Variants in LOXHD1 observed in about 807,000 individuals in gnomAD.
The protein encoded by LOXHD1 is lipoxygenase homology PLAT domains 1, also known as lipoxygenase homology domain-containing protein 1.
In LOXHD1, 205 loss-of-function variants were observed where a neutral mutation model predicts 248.2. The ratio of observed to expected loss-of-function variants is 0.83; its 90% CI spans 0.74 to 0.93. The LOEUF is 0.93. Among genes scored for constraint, LOXHD1 ranks in the 40% least tolerant of loss-of-function variants. The pLI, the probability that LOXHD1 is intolerant of heterozygous loss-of-function variation, is 0.00. For synonymous variants in LOXHD1, 1,113 were observed against 1,162.8 expected (o/e 0.96, Z 0.87); for missense variants, 2,930 against 2,971.6 (o/e 0.99, Z 0.33).
intron 34 of LOXHD1, among the ~76,000 whole-genome samples, chr18:46,514,879 A>C (rs2035163967): frequency 6.6e-6 from 1 of 151,940 alleles, no homozygotes; most frequent in East Asian, 1.9e-4. Context: ...TCTTTGTCTA[A>C]AAATAGTTTC....
chr18:46,492,282 T>C (rs1266942448), intron 37 of LOXHD1, among the ~76,000 whole-genome samples: 2 of 152,206 alleles, frequency 1.3e-5, no homozygotes, highest in Non-Finnish European at 2.9e-5. Flanking sequence ...TATTAGTTTG[T>C]TCTCATGCTG....
Position 46,477,730 on chromosome 18 carries a change from C to G in LOXHD1, c.6564G>C (p.Arg2188=). The change falls in exon 41 of 41, where the codon CGG becomes CGC. Residue 2188 remains arginine, a synonymous_variant. Transcript: ENST00000642948. ...GGTTGCGCATTTTCTGCTTCAGCTC[C>G]CGCTTGCCTGTGTCTCCGTTGGCCC... The part of the protein sequence containing the change: ...IFGANGDTGK[R]ELKQKMRNLF... 6.4e-7 allele frequency: 1 copy of G among 1,551,922 alleles called. No individual in the cohort carries two copies. The highest frequency in any genetic ancestry group is 8.7e-7 in the Non-Finnish European group (1 of 1,147,050).
chr18:46,604,829 G>A (rs763643089), intron 6 of LOXHD1, among the ~76,000 whole-genome samples: 2 of 152,148 alleles, frequency 1.3e-5, no homozygotes, highest in Non-Finnish European at 2.9e-5. Flanking sequence ...GAGCTGAGGG[G>A]CCCTCTCAAA....
At chr18:46,650,589 G>A (rs2039097217) in intron 1 of LOXHD1, among the ~76,000 whole-genome samples, 1 of 152,140 alleles carries the variant, frequency 6.6e-6, no homozygotes, top group Non-Finnish European at 1.5e-5. Flanking sequence ...ATATTTGAGT[G>A]GCCCCAAAGA....
chr18:46,533,085 G>A (rs1347470847), intron 28 of LOXHD1, 77 bp downstream of exon 28: 13 of 1,478,170 alleles, frequency 8.8e-6, no homozygotes, highest in Non-Finnish European at 1.1e-5. Context: ...GGCTTAGCCT[G>A]GCACAGGGCA....
At chr18:46,515,392 G>A (rs911977603) in intron 34 of LOXHD1, among the ~76,000 whole-genome samples, 3 of 151,942 alleles carry the variant, frequency 2.0e-5, no homozygotes, top group Non-Finnish European at 2.9e-5. Context: ...AACATGTCTC[G>A]GGTAACAGCC....
At chr18:46,483,538 C>T (rs540932015) in intron 40 of LOXHD1, 49 bp downstream of exon 40, 2 of 1,547,926 alleles carry the variant, frequency 1.3e-6, no homozygotes, top group Admixed American at 2.0e-5. Context: ...TCAGTCCCTG[C>T]CCCATGCTGA....
At chr18:46,496,559 C>CT (rs2033883872) in intron 37 of LOXHD1, among the ~76,000 whole-genome samples, 3 of 152,290 alleles carry the variant, frequency 2.0e-5, no homozygotes, top group African/African-American at 7.2e-5. Flanking sequence ...TAGAGAGAGT[C>CT]TAAGGACATG....
chr18:46,598,941 A>C (rs2038298108), intron 8 of LOXHD1, among the ~76,000 whole-genome samples: 1 of 152,170 alleles, frequency 6.6e-6, no homozygotes, highest in Non-Finnish European at 1.5e-5. Flanking sequence ...AAAATAAATA[A>C]ATACAGATTT....
chr18:46,554,586 C>G (rs1422222222), intron 21 of LOXHD1, among the ~76,000 whole-genome samples: 1 of 151,980 alleles, frequency 6.6e-6, no homozygotes, highest in East Asian at 1.9e-4. Context: ...CCCTGGCAGA[C>G]TGCTACTTCA....
intron 29 of LOXHD1, among the ~76,000 whole-genome samples, chr18:46,525,126 T>C (rs2035771009): frequency 6.6e-6 from 1 of 152,134 alleles, no homozygotes; most frequent in African/African-American, 2.4e-5. Flanking sequence ...GCAGTCCACT[T>C]ATATGTGTGG....
rs996263939 is a variant in LOXHD1, at chr18:46,649,385, C to A, written c.131-116G>T. The A allele has an allele frequency of 2.9e-5, 23 of 803,948 alleles. No homozygotes were observed. The Admixed American group carries it at 5.5e-4, about 19-fold the overall frequency. The allele number at this position is 803,948 out of a possible 1,614,324, so 49.8% of individuals were successfully genotyped here. A position where few individuals can be genotyped will look rare whatever the true frequency, so the allele number is the denominator to read the frequency against. ...CCCAAGCACAAAGGACTCTTGGAAT[C>A]CCTGCTGCATCCTGTAGGCCTCTGA... On this transcript the variant is annotated intron_variant, in intron 1 of 40. Transcript: ENST00000642948.
At position 46,631,300 on chromosome 18, in the gene LOXHD1, A is replaced by T. The variant is rs372117317; in HGVS notation, c.511+8316T>A. On this transcript the variant is annotated intron_variant, in intron 4 of 40. Transcript: ENST00000642948. ...CAATGTATCCATCTCAAAACACCTG[A>T]CAGCTACAACCCCCCCACCACCATC... Among the ~76,000 whole-genome samples the T allele has an allele frequency of 2.6e-5, 4 of 152,136 alleles. No homozygotes were observed. The East Asian group carries it at 7.7e-4, about 29-fold the overall frequency.
intron 6 of LOXHD1, among the ~76,000 whole-genome samples, chr18:46,607,011 C>T (rs565748526): frequency 4.6e-5 from 7 of 151,824 alleles, no homozygotes; most frequent in African/African-American, 1.7e-4. Flanking sequence ...ACTAAAACTA[C>T]AAAAATTAGC....
Position 46,509,718 on chromosome 18 carries a change from G to T in LOXHD1, c.5497C>A (p.Pro1833Thr). 2 of 1,551,512 alleles carry T rather than the reference G, an allele frequency of 1.3e-6. No individual in the cohort carries two copies. The highest frequency in any genetic ancestry group is 1.7e-6 in the Non-Finnish European group (2 of 1,146,882). The stretch of plus-strand genomic sequence containing the variant: ...TTTACCCTCTCCAGGAACCACTCCG[G>T]CCGACTGCCCAGGCCATCAATCCGG... ...RIRIDGLGSR[P>T]EWFLERILLK... is the part of the protein sequence containing the mutation. Residue 1833 changes from proline (P) to threonine (T), a missense_variant, in exon 35 of 41, where the codon CCG becomes ACG. By Grantham distance (38) the Pro-to-Thr change is conservative. Coordinates refer to ENST00000642948, the MANE Select transcript of LOXHD1 (RefSeq NM_001384474.1).
chr18:46,562,344 A>T (rs577444405), intron 18 of LOXHD1, among the ~76,000 whole-genome samples: 3 of 152,228 alleles, frequency 2.0e-5, no homozygotes, highest in Non-Finnish European at 4.4e-5. Flanking sequence ...CCCAGCATGA[A>T]CATGCTGCCT....
chr18:46,587,537 A>G (rs1343374274), intron 12 of LOXHD1, among the ~76,000 whole-genome samples: 2 of 152,226 alleles, frequency 1.3e-5, no homozygotes, highest in African/African-American at 4.8e-5. Flanking sequence ...CACCCCAGCC[A>G]TGGATGTCCC....
At chr18:46,605,450 C>T (rs1039454084) in intron 6 of LOXHD1, among the ~76,000 whole-genome samples, 19 of 152,094 alleles carry the variant, frequency 1.2e-4, no homozygotes, top group African/African-American at 1.9e-4. Context: ...GGAGGTAGAG[C>T]TTGCAGTGAG....
Position 46,477,928 on chromosome 18 carries a change from G to A in LOXHD1, c.6366C>T (p.Leu2122=). The change falls in exon 41 of 41, where the codon CTC becomes CTT. Residue 2122 remains leucine, a synonymous_variant. Transcript: ENST00000642948. ...GNVYFFNCDC[L]IPLKRKRKYF... ...ACTTCCTCTTCCTCTTGAGGGGGATGAGGCAGTCACAGTTAAAGAAGTACC... is the reference window on the plus strand; with the variant it reads ...ACTTCCTCTTCCTCTTGAGGGGGATAAGGCAGTCACAGTTAAAGAAGTACC... The A allele has an allele frequency of 6.5e-7, 1 of 1,550,272 alleles. No individual in the cohort carries two copies. The highest frequency in any genetic ancestry group is 8.7e-7 in the Non-Finnish European group (1 of 1,145,710).
Sources: allele counts gnomAD v4.1 joint callset (sites outside exome capture counted in the v4.1 genomes callset), GRCh38; gene constraint gnomAD v4.1.1; transcripts MANE v1.5; gene names NCBI Gene and HGNC (gene_info 2026-07-23, HGNC 2026-07-21).